CACNA1E: variants seen among roughly 807,000 people sequenced by gnomAD.
The protein encoded by CACNA1E is calcium voltage-gated channel subunit alpha1 E, also known as voltage-dependent R-type calcium channel subunit alpha-1E.
In CACNA1E, 40 loss-of-function variants were observed where a neutral mutation model predicts 259.2. The ratio of observed to expected loss-of-function variants is 0.15; its 90% CI spans 0.12 to 0.20. The LOEUF is 0.20. Ranked by LOEUF, CACNA1E falls within the 10% of genes least tolerant of loss-of-function variation. CACNA1E has a pLI of 1.00. For synonymous variants in CACNA1E, 1,104 were observed against 1,138.5 expected (o/e 0.97, Z 0.61); for missense variants, 1,874 against 3,040.1 (o/e 0.62, Z 9.02).
chr1:181,731,858 A>G (rs1057133058), intron 19 of CACNA1E, among the ~76,000 whole-genome samples: 1 of 152,004 alleles, frequency 6.6e-6, no homozygotes, highest in Non-Finnish European at 1.5e-5. Flanking sequence ...GGGTGATATC[A>G]AGACTTTTTG....
intron 3 of CACNA1E, among the ~76,000 whole-genome samples, chr1:181,527,933 C>G (rs926012482): frequency 1.4e-5 from 2 of 145,574 alleles, no homozygotes; most frequent in Non-Finnish European, 3.0e-5. Flanking sequence ...CTTCATTTTT[C>G]TTCTTACTTC....
chr1:181,507,815 G>A (rs1313156187), intron 1 of CACNA1E, among the ~76,000 whole-genome samples: 6 of 152,202 alleles, frequency 3.9e-5, no homozygotes, highest in African/African-American at 1.2e-4. Flanking sequence ...ACCTTCCAGG[G>A]CAGGCACTGG....
In CACNA1E at chr1:181,798,749, G is replaced by A. The variant is rs749565023; in HGVS notation, c.6857G>A (p.Arg2286Gln). The change falls in exon 48 of 48, where the codon CGG becomes CAG. Residue 2286 changes from arginine to glutamine, a missense_variant. Arg to Gln is a conservative substitution (Grantham distance 43). This residue lies in a region of CACNA1E where 542 missense variants were observed against 587.2 expected (regional missense o/e 0.92). Transcript: ENST00000367573. The surrounding 1 kb of genome is among the most constrained non-coding windows in gnomAD (Gnocchi z 4.2). ...WQMPNGHYRR[R>Q]RRGGPGPGMM... ...ATGCCCAACGGGCACTATCGGCGGC[G>A]GAGGCGCGGGGGGCCTGGGCCAGGC... The A allele has an allele frequency of 1.1e-4, 176 of 1,603,988 alleles. No homozygotes were observed. Among genetic ancestry groups the A allele is most frequent in the Middle Eastern group, 1.7e-4 (1 of 6,034 alleles).
chr1:181,788,637 G>A (rs979867247), intron 43 of CACNA1E, among the ~76,000 whole-genome samples: 18 of 152,152 alleles, frequency 1.2e-4, no homozygotes, highest in African/African-American at 4.3e-4. Context: ...GGAGTTCAGG[G>A]AGCAAAGGGG....
In CACNA1E at chr1:181,799,117, G is replaced by A. The variant is rs969466363; in HGVS notation, c.*283G>A. On this transcript the variant is annotated 3_prime_UTR_variant, in exon 48 of 48. Coordinates refer to ENST00000367573, the MANE Select transcript of CACNA1E (RefSeq NM_001205293.3). ...TATTACTGCGGGAGAAGGGACACGA[G>A]GATGGCTTTGCTTCCCCTTGCCCCT... is the stretch of plus-strand genomic sequence containing the variant. 40 of 308,514 alleles carry A rather than the reference G, an allele frequency of 1.3e-4. No homozygotes were observed. The highest frequency in any genetic ancestry group is 6.0e-5 in the Non-Finnish European group (10 of 168,026). The allele number at this position is 308,514 out of a possible 1,614,324, so 19.1% of individuals were successfully genotyped here. A position where few individuals can be genotyped will look rare whatever the true frequency, so the allele number is the denominator to read the frequency against.
intron 2 of CACNA1E, among the ~76,000 whole-genome samples, chr1:181,472,642 C>G (rs754763621): frequency 3.3e-5 from 5 of 152,176 alleles, no homozygotes; most frequent in Non-Finnish European, 5.9e-5. Flanking sequence ...ACATCTCTAC[C>G]ATCTCAACAT....
intron 1 of CACNA1E, among the ~76,000 whole-genome samples, chr1:181,360,221 G>A (rs897280183): frequency 2.0e-5 from 3 of 152,126 alleles, no homozygotes; most frequent in African/African-American, 7.2e-5. Context: ...TAGGGTTACC[G>A]TATGACCCAG....
At chr1:181,763,144 G>A (rs1294655399) in intron 33 of CACNA1E, among the ~76,000 whole-genome samples, 1 of 152,138 alleles carries the variant, frequency 6.6e-6, no homozygotes. Flanking sequence ...CCACTCAGTA[G>A]AAGACTAGGG....
chr1:181,409,746 G>C (rs942959701), intron 1 of CACNA1E, among the ~76,000 whole-genome samples: 1 of 152,148 alleles, frequency 6.6e-6, no homozygotes, highest in Admixed American at 6.5e-5. Flanking sequence ...GACCCTCCTG[G>C]TGAACATTTG....
At position 181,801,235 on chromosome 1, in the gene CACNA1E, A is replaced by T. The variant is rs559539194; in HGVS notation, c.*2401A>T. The T allele has an allele frequency of 2.0e-5, 3 of 152,744 alleles. No homozygotes were observed. The highest frequency in any genetic ancestry group is 7.2e-5 in the African/African-American group (3 of 41,572). 9.5% of individuals were successfully genotyped at this position (152,744 alleles called of 1,614,324 possible). On this transcript the variant is annotated 3_prime_UTR_variant, in exon 48 of 48. Coordinates refer to ENST00000367573, the MANE Select transcript of CACNA1E (RefSeq NM_001205293.3). ...TATTGCATGGTGTTTTGAGAAAGGG[A>T]ATTTTAGTGACACCTTATGCCATTT... is the stretch of plus-strand genomic sequence containing the variant.
chr1:181,640,819 A>G (rs1268037506), intron 6 of CACNA1E, among the ~76,000 whole-genome samples: 1 of 152,246 alleles, frequency 6.6e-6, no homozygotes, highest in Non-Finnish European at 1.5e-5. Context: ...CTAATCTCCT[A>G]TTAGTAAACA....
chr1:181,359,215 A>G (rs1653678872), intron 1 of CACNA1E, among the ~76,000 whole-genome samples: 1 of 152,076 alleles, frequency 6.6e-6, no homozygotes. Context: ...TAGCTGGGGG[A>G]GGGGCATGGA....
At chr1:181,413,873 G>T (rs1658067553) in intron 2 of CACNA1E, among the ~76,000 whole-genome samples, 1 of 152,232 alleles carries the variant, frequency 6.6e-6, no homozygotes, top group Non-Finnish European at 1.5e-5. Flanking sequence ...TGTGGAGAAA[G>T]AACTGGGGTC....
intron 25 of CACNA1E, chr1:181,745,326 A>C (rs1400326258): frequency 6.1e-6 from 3 of 490,556 alleles, no homozygotes; most frequent in Middle Eastern, 3.3e-4. Flanking sequence ...GTGAACACCC[A>C]AGTATTTTTT....
Position 181,483,949 on chromosome 1 carries a change from C to G in CACNA1E, c.205C>G (p.Leu69Val). 6.2e-7 allele frequency: 1 copy of G among 1,613,480 alleles called. No homozygotes were observed. Residue 69 changes from leucine to valine, a missense_variant, in exon 1 of 48, where the codon CTG (leucine) becomes GTG (valine). Physicochemically the swap from Leu to Val is conservative, Grantham distance 32 (BLOSUM62 1). Transcript: ENST00000367573. ...RQNCFTVNRS[L>V]FIFGEDNIVR... ...GAACTGTTTCACCGTCAACAGATCC[C>G]TGTTCATCTTCGGAGAAGATAACAT... is the stretch of plus-strand genomic sequence containing the variant.
intron 6 of CACNA1E, among the ~76,000 whole-genome samples, chr1:181,604,730 T>C (rs1348187290): frequency 1.3e-5 from 2 of 152,178 alleles, no homozygotes; most frequent in Non-Finnish European, 2.9e-5. Context: ...CTGGATCTGA[T>C]CCCATATCTT....
At chr1:181,422,186 C>T (rs1658798188) in intron 2 of CACNA1E, among the ~76,000 whole-genome samples, 1 of 152,358 alleles carries the variant, frequency 6.6e-6, no homozygotes, top group African/African-American at 2.4e-5. Flanking sequence ...CACCTGGTCA[C>T]TGTGCCATAT....
At position 181,732,841 on chromosome 1, in the gene CACNA1E, C is replaced by T. The variant is rs769941881; in HGVS notation, c.2755C>T (p.Arg919Trp). ...EDRARHRQSQ[R>W]RSRHRRVRTE... ...CCGGGCCAGGCACAGGCAGAGCCAACGGCGCAGCCGGCATCGCCGCGTCAG... is the reference window on the plus strand; with the variant it reads ...CCGGGCCAGGCACAGGCAGAGCCAATGGCGCAGCCGGCATCGCCGCGTCAG... The change falls in exon 20 of 48, where the codon CGG becomes TGG. Residue 919 changes from arginine (R) to tryptophan (W), a missense_variant. By Grantham distance (101) the Arg-to-Trp change is moderately radical (BLOSUM62 -3). Coordinates refer to ENST00000367573, the MANE Select transcript of CACNA1E (RefSeq NM_001205293.3). The surrounding 1 kb of genome is among the most constrained non-coding windows in gnomAD (Gnocchi z 5.5). 2.7e-5 allele frequency: 43 copies of T among 1,613,024 alleles called. No individual in the cohort carries two copies. The highest frequency in any genetic ancestry group is 3.3e-5 in the Admixed American group (2 of 59,920).
At chr1:181,420,339 T>G (rs1658636431) in intron 2 of CACNA1E, among the ~76,000 whole-genome samples, 1 of 152,206 alleles carries the variant, frequency 6.6e-6, no homozygotes, top group South Asian at 2.1e-4. Flanking sequence ...TAAGAACCTA[T>G]TTAAAGGTTT....
Sources: gnomAD v4.1 joint callset for allele counts (sites outside exome capture counted in the v4.1 genomes callset) on GRCh38, gnomAD v4.1.1 for gene constraint, gnomAD v4.1.1 regional missense constraint, Gnocchi (gnomAD v3.1) non-coding constraint, MANE v1.5 for transcripts, NCBI Gene and HGNC (gene_info 2026-07-23, HGNC 2026-07-21) for gene names.